Variants in CSMD1 observed in about 807,000 individuals in gnomAD.
CSMD1 encodes CUB and sushi domain-containing protein 1.
Under a neutral mutation model 417.5 loss-of-function variants are expected in CSMD1, and 213 were observed. That is an observed-to-expected ratio of 0.51 (90% confidence interval 0.46 to 0.57). CSMD1 has a LOEUF of 0.57. Among genes scored for constraint, CSMD1 ranks in the 20% least tolerant of loss-of-function variants. The pLI is 0.00. For synonymous variants in CSMD1, 2,862 were observed against 1,736.8 expected (o/e 1.65, Z -16.11); for missense variants, 6,923 against 4,529.7 (o/e 1.53, Z -15.17).
chr8:3,010,791 T>C (rs894815606), intron 52 of CSMD1, among the ~76,000 whole-genome samples: 3 of 151,830 alleles, frequency 2.0e-5, no homozygotes, highest in Admixed American at 2.0e-4. Flanking sequence ...TCACTCAGGC[T>C]GGAGTGTAAT....
chr8:3,399,354 A>C (rs779170015), intron 16 of CSMD1, 37 bp downstream of exon 16: 2 of 1,550,008 alleles, frequency 1.3e-6, no homozygotes, highest in South Asian at 1.3e-5. Flanking sequence ...AGAGACACAC[A>C]CCATTGGGTC....
chr8:3,334,132 G>C (rs1807086692), intron 23 of CSMD1, among the ~76,000 whole-genome samples: 1 of 152,284 alleles, frequency 6.6e-6, no homozygotes, highest in South Asian at 2.1e-4. Context: ...GGTAGAGATA[G>C]GTGGGAGAGG....
chr8:3,710,432 T>C (rs988969184), intron 6 of CSMD1, among the ~76,000 whole-genome samples: 3 of 152,150 alleles, frequency 2.0e-5, no homozygotes, highest in Admixed American at 6.5e-5. Context: ...ATCTTTAGTA[T>C]GGTGTCCTGA....
chr8:3,781,553 C>G (rs1379478751), intron 5 of CSMD1, among the ~76,000 whole-genome samples: 4 of 152,174 alleles, frequency 2.6e-5, no homozygotes, highest in Non-Finnish European at 5.9e-5. Context: ...TTACACACTG[C>G]TACTCGCTTT....
chr8:4,047,518 GTCATTCAT>G (rs146701323), intron 3 of CSMD1, among the ~76,000 whole-genome samples: 10 of 41,086 alleles, frequency 2.4e-4, no homozygotes, highest in Non-Finnish European at 7.3e-4. Flanking sequence ...ATTGTGATAT[GTCATTCAT>G]TCATTCATTC....
chr8:2,990,756 C>G (rs1423777606), intron 54 of CSMD1, among the ~76,000 whole-genome samples: 2 of 152,112 alleles, frequency 1.3e-5, no homozygotes, highest in Admixed American at 6.5e-5. Flanking sequence ...CCTGGAAGAG[C>G]GAGAAGCGAT....
chr8:4,044,620 A>C (rs969720075), intron 3 of CSMD1, among the ~76,000 whole-genome samples: 2 of 152,182 alleles, frequency 1.3e-5, no homozygotes, highest in African/African-American at 2.4e-5. Context: ...CTCTCGTGCA[A>C]TAAGAAGAGA....
Position 4,757,814 on chromosome 8 carries a change from C to T in CSMD1, c.86-120256G>A, listed in dbSNP as rs1025046369. ...TTTCTACTAAAAATAGGAAAATTAGCGAGGCACGGTGGCGCACACCTGTAA... is the reference window on the plus strand; with the variant it reads ...TTTCTACTAAAAATAGGAAAATTAGTGAGGCACGGTGGCGCACACCTGTAA... On this transcript the variant is annotated intron_variant, in intron 1 of 69. Coordinates refer to ENST00000635120, the MANE Select transcript of CSMD1 (RefSeq NM_033225.6). 2.1e-4 allele frequency among the ~76,000 whole-genome samples: 32 copies of T among 151,866 alleles called. 1 individual carries two copies. Among genetic ancestry groups the T allele is most frequent in the South Asian group, 6.3e-4 (3 of 4,796 alleles).
chr8:4,408,364 C>T (rs562907651), intron 3 of CSMD1, among the ~76,000 whole-genome samples: 7 of 152,202 alleles, frequency 4.6e-5, no homozygotes, highest in Admixed American at 2.0e-4. Context: ...GGCGTATCAT[C>T]CTCTACTGTC....
At chr8:4,257,550 T>G (rs1027072712) in intron 3 of CSMD1, among the ~76,000 whole-genome samples, 4 of 152,316 alleles carry the variant, frequency 2.6e-5, no homozygotes, top group African/African-American at 9.6e-5. Context: ...TTCAATTACA[T>G]TTTTAAAATA....
chr8:3,924,255 G>C (rs1046184954), intron 5 of CSMD1, among the ~76,000 whole-genome samples: 2 of 151,994 alleles, frequency 1.3e-5, no homozygotes, highest in Non-Finnish European at 2.9e-5. Context: ...GTTCTTGTAG[G>C]GATACCTTAT....
chr8:3,979,796 T>C (rs1813718962), intron 5 of CSMD1, among the ~76,000 whole-genome samples: 3 of 152,348 alleles, frequency 2.0e-5, no homozygotes, highest in Middle Eastern at 6.8e-3. Context: ...GTCTGTGGTA[T>C]CTTGTTATGA....
Position 3,958,370 on chromosome 8 carries a change from G to A in CSMD1, c.818+39533C>T, listed in dbSNP as rs1014559912. On this transcript the variant is annotated intron_variant, in intron 5 of 69. Coordinates refer to ENST00000635120, the MANE Select transcript of CSMD1 (RefSeq NM_033225.6). ...CTCTTTGAACATTAACTTTTAAGCT[G>A]TTTCACTCTCTAGGAAACCAAAAAG... 6.0e-5 allele frequency among the ~76,000 whole-genome samples: 8 copies of A among 133,212 alleles called. No individual in the cohort carries two copies. The East Asian group carries it at 1.5e-3, about 25-fold the overall frequency. 87.4% of individuals were successfully genotyped at this position (133,212 alleles called of 152,430 possible). A position where few individuals can be genotyped will look rare whatever the true frequency, so the allele number is the denominator to read the frequency against.
At chr8:4,989,473 C>T (rs1472780590) in intron 1 of CSMD1, among the ~76,000 whole-genome samples, 1 of 152,132 alleles carries the variant, frequency 6.6e-6, no homozygotes, top group Non-Finnish European at 1.5e-5. Flanking sequence ...CGCCTTTACA[C>T]AAGTATCTTC....
intron 5 of CSMD1, among the ~76,000 whole-genome samples, chr8:3,983,911 C>T (rs371342064): frequency 1.3e-5 from 2 of 151,706 alleles, no homozygotes; most frequent in Non-Finnish European, 2.9e-5. Flanking sequence ...TAGAGCACAC[C>T]GCACATCTGA....
chr8:3,202,659 G>T (rs1797050486), intron 31 of CSMD1, among the ~76,000 whole-genome samples: 1 of 152,168 alleles, frequency 6.6e-6, no homozygotes, highest in African/African-American at 2.4e-5. Context: ...ACAAGAAATG[G>T]AGGTGTGTGC....
intron 1 of CSMD1, among the ~76,000 whole-genome samples, chr8:4,638,552 G>C (rs1041844880): frequency 6.6e-6 from 1 of 152,210 alleles, no homozygotes; most frequent in Non-Finnish European, 1.5e-5. Context: ...ACACAGGCAG[G>C]ACTTAGGAGG....
intron 2 of CSMD1, among the ~76,000 whole-genome samples, chr8:4,553,984 G>C (rs1458995439): frequency 6.6e-6 from 1 of 152,182 alleles, no homozygotes; most frequent in Non-Finnish European, 1.5e-5. Context: ...GCTGGCATGA[G>C]ACAGTCTGGC....
In CSMD1 at chr8:4,891,674, A is replaced by G. The variant is rs116716690; in HGVS notation, c.85+102658T>C. The stretch of plus-strand genomic sequence containing the variant: ...TTGAAATTGGAAACACTATGTATTT[A>G]TCCTAAGGGCTTATATTAATGCATA... On this transcript the variant is annotated intron_variant, in intron 1 of 69. Transcript: ENST00000635120. Among the ~76,000 whole-genome samples the G allele has an allele frequency of 5.5e-3, 841 of 152,234 alleles. 12 individuals carry two copies. The highest frequency in any genetic ancestry group is 0.019 in the African/African-American group (785 of 41,498).
Sources: gnomAD v4.1 joint callset for allele counts (sites outside exome capture counted in the v4.1 genomes callset) on GRCh38, gnomAD v4.1.1 for gene constraint, MANE v1.5 for transcripts, NCBI Gene and HGNC (gene_info 2026-07-23, HGNC 2026-07-21) for gene names.